ZNF432: variants seen among roughly 807,000 people sequenced by gnomAD.
ZNF432 encodes zinc finger protein 432.
Under a neutral mutation model 13.9 loss-of-function variants are expected in ZNF432, and 10 were observed. That is an observed-to-expected ratio of 0.72 (90% CI 0.44 to 1.22). The LOEUF is 1.22. Among genes scored for constraint, ZNF432 ranks in the 50% most tolerant of loss-of-function variants. ZNF432 has a pLI of 0.00. For missense variants in ZNF432, 793 were observed against 796.2 expected (o/e 1.00, Z 0.05); for synonymous variants, 247 against 256.2 (o/e 0.96, Z 0.34).
At position 52,047,074 on chromosome 19, in the gene ZNF432, C is replaced by G; in HGVS notation, c.-192-14G>C. ...AGGACCTGTGGACTGAAGAGCAAAA[C>G]AACTTTCAGGGGTACATTCACCTTA... On this transcript the variant is annotated splice_polypyrimidine_tract_variant and intron_variant, in intron 1 of 4. Transcript: ENST00000221315. 2.0e-6 allele frequency: 1 copy of G among 489,406 alleles called. No individual in the cohort carries two copies. Among genetic ancestry groups the G allele is most frequent in the Non-Finnish European group, 3.6e-6 (1 of 275,002 alleles). The allele number at this position is 489,406 out of a possible 1,614,324, so 30.3% of individuals were successfully genotyped here. A position where few individuals can be genotyped will look rare whatever the true frequency, so the allele number is the denominator to read the frequency against.
rs1199715982 is a variant in ZNF432 at position 52,034,758 on chromosome 19, A to T, written c.921T>A (p.His307Gln). ...GFPGKRNLIV[H>Q]QRNHTGEKSY... ...ATTTCTCTCCAGTATGATTTCGCTG[A>T]TGTACAATGAGATTACGCTTGCCTG... Residue 307 changes from histidine (H) to glutamine (Q), a missense_variant, in exon 5 of 5, where the codon CAT becomes CAA. Physicochemically the swap from His to Gln is conservative, Grantham distance 24 (BLOSUM62 0). Coordinates refer to ENST00000221315, the MANE Select transcript of ZNF432 (RefSeq NM_014650.4). 6.2e-7 allele frequency: 1 copy of T among 1,612,634 alleles called. No individual in the cohort carries two copies. The highest frequency in any genetic ancestry group is 1.3e-5 in the African/African-American group (1 of 74,710).
At chr19:52,037,876 T>A (rs763775911) in intron 4 of ZNF432, among the ~76,000 whole-genome samples, 1 of 151,416 alleles carries the variant, frequency 6.6e-6, no homozygotes, top group African/African-American at 2.4e-5. Context: ...ACCAATAACA[T>A]CTACTTCAGT....
chr19:52,034,159 T>G lies in ZNF432; in HGVS notation c.1520A>C (p.His507Pro). ...NSGLMLHQRT[H>P]TGEKPYICNE... is the part of the protein sequence containing the mutation. The stretch of plus-strand genomic sequence containing the variant: ...GCATATGTACGGTTTCTCTCCAGTA[T>G]GAGTTCGCTGATGTAACATCAGTCC... Residue 507 changes from histidine to proline, a missense_variant, in exon 5 of 5, where the codon CAT becomes CCT. By Grantham distance (77) the His-to-Pro change is moderately conservative. Transcript: ENST00000221315. The G allele has an allele frequency of 3.1e-6, 5 of 1,614,182 alleles. No homozygotes were observed. The highest frequency in any genetic ancestry group is 4.2e-6 in the Non-Finnish European group (5 of 1,180,020).
intron 1 of ZNF432, among the ~76,000 whole-genome samples, chr19:52,048,160 CACACACACACACACACACACACAA>C (rs1022441396): frequency 1.3e-5 from 2 of 150,728 alleles, no homozygotes; most frequent in Admixed American, 6.6e-5. Context: ...CACACACACA[CACACACACACACACACACACACAA>C]AACCAGCCAG....
chr19:52,047,241 C>A, intron 1 of ZNF432, 181 bp from the exon 2 acceptor site: 1 of 277,698 alleles, frequency 3.6e-6, no homozygotes. Context: ...AAAGGAGAAT[C>A]CACATAGCAT....
intron 2 of ZNF432, among the ~76,000 whole-genome samples, chr19:52,042,412 G>A (rs1457102550): frequency 5.9e-5 from 9 of 152,158 alleles, no homozygotes; most frequent in African/African-American, 1.7e-4. Context: ...AACCAGGTGC[G>A]GTGGCACACA....
chr19:52,040,430 C>T (rs2123154220), intron 4 of ZNF432, 58 bp downstream of exon 4: 1 of 1,483,046 alleles, frequency 6.7e-7, no homozygotes, highest in Non-Finnish European at 9.4e-7. Context: ...CAGACACCCA[C>T]AGAGCCTTCT....
Position 52,034,611 on chromosome 19 carries a change from T to C in ZNF432, c.1068A>G (p.Thr356=). The C allele has an allele frequency of 1.2e-6, 2 of 1,611,654 alleles. No individual in the cohort carries two copies. The highest frequency in any genetic ancestry group is 1.7e-6 in the Non-Finnish European group (2 of 1,179,260). The part of the protein sequence containing the change: ...ICSECGKGFT[T]KHYVIIHQRN... ...GTTGATGTATGATGACATAGTGTTT[T>C]GTGGTGAAGCCTTTCCCACATTCAC... is the stretch of plus-strand genomic sequence containing the variant. The change falls in exon 5 of 5, where the codon ACA becomes ACG. Residue 356 remains threonine (T), a synonymous_variant. Coordinates refer to ENST00000221315, the MANE Select transcript of ZNF432 (RefSeq NM_014650.4).
At position 52,032,827 on chromosome 19, in the gene ZNF432, GTAA is replaced by G. The variant is rs111604683; in HGVS notation, c.*890_*892del. On this transcript the variant is annotated 3_prime_UTR_variant, in exon 5 of 5. Transcript: ENST00000221315. Reference sequence around the variant, plus strand: ...CATATAAGTTTTATTTCTGTATGAAGTAATGATGATGAGGCAGCATGTATCACT... The same window carrying G: ...CATATAAGTTTTATTTCTGTATGAAGTGATGATGAGGCAGCATGTATCACT... 3.6e-4 allele frequency: 55 copies of G among 152,284 alleles called. No individual in the cohort carries two copies. Among genetic ancestry groups the G allele is most frequent in the African/African-American group, 1.3e-3 (53 of 41,568 alleles). The allele number at this position is 152,284 out of a possible 1,614,324, so 9.4% of individuals were successfully genotyped here.
Position 52,033,589 on chromosome 19 carries a change from G to T in ZNF432, c.*131C>A. ...TCTGACATTGATAGCATTCATCCTA[G>T]TGAATAACACTGGATTTTGAAATAT... On this transcript the variant is annotated 3_prime_UTR_variant, in exon 5 of 5. Transcript: ENST00000221315. 1 of 1,071,514 alleles carries T rather than the reference G, an allele frequency of 9.3e-7. No individual in the cohort carries two copies. The highest frequency in any genetic ancestry group is 1.3e-6 in the Non-Finnish European group (1 of 761,030). 66.4% of individuals were successfully genotyped at this position (1,071,514 alleles called of 1,614,324 possible). A position where few individuals can be genotyped will look rare whatever the true frequency, so the allele number is the denominator to read the frequency against.
Position 52,048,824 on chromosome 19 carries a change from T to A in ZNF432, c.-322A>T, listed in dbSNP as rs959084573. On this transcript the variant is annotated 5_prime_UTR_variant, in exon 1 of 5. An upstream start codon of the reference 5' UTR is lost. Coordinates refer to ENST00000221315, the MANE Select transcript of ZNF432 (RefSeq NM_014650.4). Reference sequence around the variant, plus strand: ...CCAGAGACGGTCAGCCGCGTTTCCATGGAGAGCGGAATGCGGCCTTCCGGC... The same window carrying A: ...CCAGAGACGGTCAGCCGCGTTTCCAAGGAGAGCGGAATGCGGCCTTCCGGC... 6.6e-6 allele frequency: 1 copy of A among 152,406 alleles called. No individual in the cohort carries two copies. Among genetic ancestry groups the A allele is most frequent in the Admixed American group, 6.5e-5 (1 of 15,306 alleles). 9.4% of individuals were successfully genotyped at this position (152,406 alleles called of 1,614,324 possible).
intron 1 of ZNF432, among the ~76,000 whole-genome samples, chr19:52,048,176 C>CAAAAAAAA (rs1568525363): frequency 2.1e-5 from 3 of 144,814 alleles, no homozygotes; most frequent in African/African-American, 8.1e-5. Context: ...CACACACACA[C>CAAAAAAAA]ACACACAAAA....
chr19:52,038,594 C>G (rs2087106350), intron 4 of ZNF432, among the ~76,000 whole-genome samples: 1 of 152,182 alleles, frequency 6.6e-6, no homozygotes, highest in South Asian at 2.1e-4. Flanking sequence ...CTGACCCATG[C>G]CTTCATTCTT....
At chr19:52,042,298 C>T (rs1354533914) in intron 2 of ZNF432, among the ~76,000 whole-genome samples, 4 of 152,136 alleles carry the variant, frequency 2.6e-5, no homozygotes, top group African/African-American at 9.7e-5. Flanking sequence ...CCTGTAATCC[C>T]AGCACTTTGG....
At position 52,034,711 on chromosome 19, in the gene ZNF432, C is replaced by G. The variant is rs2087056945; in HGVS notation, c.968G>C (p.Gly323Ala). Residue 323 changes from glycine to alanine, a missense_variant, in exon 5 of 5, where the codon GGA (glycine) becomes GCA (alanine). Physicochemically the swap from Gly to Ala is moderately conservative, Grantham distance 60. Coordinates refer to ENST00000221315, the MANE Select transcript of ZNF432 (RefSeq NM_014650.4). ...GEKSYICSEC[G>A]KGFTGKSMLI... ...CATGCTCTTCCCAGTGAAGCCTTTT[C>G]CACATTCACTACATATATAGGATTT... 6.2e-7 allele frequency: 1 copy of G among 1,613,848 alleles called. No individual in the cohort carries two copies. Among genetic ancestry groups the G allele is most frequent in the African/African-American group, 1.3e-5 (1 of 74,910 alleles).
intron 4 of ZNF432, among the ~76,000 whole-genome samples, chr19:52,035,989 C>T (rs968008445): frequency 1.3e-5 from 2 of 152,152 alleles, no homozygotes; most frequent in African/African-American, 2.4e-5. Context: ...CAATCTATAT[C>T]GATTTGACAG....
rs2087070063 is a variant in ZNF432 at position 52,035,358 on chromosome 19, A to C, written c.321T>G (p.His107Gln). 5.6e-6 allele frequency: 9 copies of C among 1,611,512 alleles called. No homozygotes were observed. Among genetic ancestry groups the C allele is most frequent in the Non-Finnish European group, 7.6e-6 (9 of 1,179,386 alleles). ...GAGAGGCAGTATTTCCAAATGCATT[A>C]TGTTCATGGTATTGTTCCACACTCT... ...MLKSVEQYHE[H>Q]NAFGNTASQT... The change falls in exon 5 of 5, where the codon CAT becomes CAG. Residue 107 changes from histidine (H) to glutamine (Q), a missense_variant. Transcript: ENST00000221315.
In ZNF432 at chr19:52,041,493, G is replaced by T. The variant is rs2087136019; in HGVS notation, c.129C>A (p.Asn43Lys). ...YRDVMLEIYS[N>K]LLSMGYQVSK... ...AGCTGTCCTCACCCATTGATAGCAG[G>T]TTGCTGTAGATCTCCAACATCACAT... Residue 43 changes from asparagine (N) to lysine (K), a missense_variant, in exon 3 of 5, where the codon AAC (asparagine) becomes AAA (lysine). Coordinates refer to ENST00000221315, the MANE Select transcript of ZNF432 (RefSeq NM_014650.4). The T allele has an allele frequency of 6.2e-7, 1 of 1,605,420 alleles. No individual in the cohort carries two copies. The highest frequency in any genetic ancestry group is 1.1e-5 in the South Asian group (1 of 89,998).
At position 52,035,153 on chromosome 19, in the gene ZNF432, C is replaced by A; in HGVS notation, c.526G>T (p.Ala176Ser). ...LHGNYEELYS[A>S]AKFSVSTKAN... ...TTTGTACTTACAGAGAATTTAGCTG[C>A]AGAATAAAGTTCTTCATAGTTACCA... Residue 176 changes from alanine (A) to serine (S), a missense_variant, in exon 5 of 5, where the codon GCA becomes TCA. Ala to Ser is a moderately conservative substitution (Grantham distance 99). Transcript: ENST00000221315. 6.2e-7 allele frequency: 1 copy of A among 1,614,016 alleles called. No individual in the cohort carries two copies. Among genetic ancestry groups the A allele is most frequent in the Non-Finnish European group, 8.5e-7 (1 of 1,180,010 alleles).
Sources: gnomAD v4.1 joint callset for allele counts (sites outside exome capture counted in the v4.1 genomes callset) on GRCh38, gnomAD v4.1.1 for gene constraint, MANE v1.5 for transcripts, NCBI Gene and HGNC (gene_info 2026-07-23, HGNC 2026-07-21) for gene names.